Variants in LAMP1 observed in about 807,000 individuals in gnomAD.
The protein encoded by LAMP1 is lysosome associated membrane protein 1, also known as lysosome-associated membrane glycoprotein 1.
LAMP1 carries 7 observed loss-of-function variants against 37.5 expected under a neutral mutation model. That is an observed-to-expected ratio of 0.19 (90% confidence interval 0.11 to 0.35). The LOEUF (loss-of-function observed/expected upper bound fraction) is 0.35, where lower values mean the gene tolerates loss of function less well. Among genes scored for constraint, LAMP1 ranks in the 10% least tolerant of loss-of-function variants. The pLI, the probability that LAMP1 is intolerant of heterozygous loss-of-function variation, is 1.00. For synonymous variants in LAMP1, 236 were observed against 229.1 expected, an observed-to-expected ratio of 1.03 and a Z score of -0.27; for missense variants, 537 against 552.8, an observed-to-expected ratio of 0.97 and a Z score of 0.29.
At chr13:113,322,128 C>A in intron 8 of LAMP1, 154 bp from the exon 9 acceptor site, 1 of 806,248 alleles carries the variant, frequency 1.2e-6, no homozygotes. Context: ...GTCTCTGCAG[C>A]GGCTTCCCCA....
At chr13:113,309,044 A>C (rs977854500) in intron 2 of LAMP1, among the ~76,000 whole-genome samples, 10 of 152,228 alleles carry the variant, frequency 6.6e-5, no homozygotes, top group Non-Finnish European at 1.5e-4. Flanking sequence ...GAATTGTTTC[A>C]ATTTCAAGAC....
intron 2 of LAMP1, among the ~76,000 whole-genome samples, chr13:113,308,419 G>C (rs2042611895): frequency 7.6e-6 from 1 of 130,910 alleles, no homozygotes. Context: ...TGCAACCTCT[G>C]CCTCTTGGGT....
chr13:113,320,735 C>T lies in LAMP1; in HGVS notation c.876+265C>T. 1 of 472,176 alleles carries T rather than the reference C, an allele frequency of 2.1e-6. No individual in the cohort carries two copies. The highest frequency in any genetic ancestry group is 3.5e-5 in the East Asian group (1 of 28,890). The allele number at this position is 472,176 out of a possible 1,614,324, so 29.2% of individuals were successfully genotyped here. A position where few individuals can be genotyped will look rare whatever the true frequency, so the allele number is the denominator to read the frequency against. On this transcript the variant is annotated intron_variant, in intron 6 of 8. Transcript: ENST00000332556. The surrounding 1 kb of genome is among the most constrained non-coding windows in gnomAD (Gnocchi z 4.4). ...GAGGGCATGCAGGCCGTGCGGCCTT[C>T]TGGCTTCAGATGCTGCTGCCCTGTG...
Position 113,297,609 on chromosome 13 carries a change from C to G in LAMP1, c.61+114C>G. 1 of 994,346 alleles carries G rather than the reference C, an allele frequency of 1.0e-6. No homozygotes were observed. 61.6% of individuals were successfully genotyped at this position (994,346 alleles called of 1,614,324 possible). On this transcript the variant is annotated intron_variant, in intron 1 of 8. Transcript: ENST00000332556. The surrounding 1 kb of genome is among the most constrained non-coding windows in gnomAD (Gnocchi z 4.4). ...TGTCCCGCGGGTCGCCCCGCACCCACTGCTCCTGGTCCCGGCCGGCTCTGC... is the reference window on the plus strand; with the variant it reads ...TGTCCCGCGGGTCGCCCCGCACCCAGTGCTCCTGGTCCCGGCCGGCTCTGC...
intron 1 of LAMP1, among the ~76,000 whole-genome samples, chr13:113,300,587 A>G (rs975178355): frequency 2.0e-5 from 3 of 151,944 alleles, no homozygotes; most frequent in Admixed American, 6.6e-5. Flanking sequence ...CAGGCCGATC[A>G]CTAGGTCAAG....
At chr13:113,306,725 T>C in intron 2 of LAMP1, 119 bp downstream of exon 2, 1 of 1,130,044 alleles carries the variant, frequency 8.8e-7, no homozygotes. Context: ...CCTATCTGCA[T>C]ATCTCCTTCT....
intron 4 of LAMP1, among the ~76,000 whole-genome samples, chr13:113,315,632 G>A (rs924614267): frequency 6.6e-6 from 1 of 151,426 alleles, no homozygotes; most frequent in Admixed American, 6.6e-5. Context: ...CTCCCAAAGT[G>A]CTGGGATTAT....
At chr13:113,299,274 CTT>C (rs75937787) in intron 1 of LAMP1, among the ~76,000 whole-genome samples, 1 of 147,948 alleles carries the variant, frequency 6.8e-6, no homozygotes, top group African/African-American at 2.5e-5. Flanking sequence ...ACAATCTTAA[CTT>C]TTTTTTTTTG....
At chr13:113,313,519 G>A (rs560411449) in intron 4 of LAMP1, among the ~76,000 whole-genome samples, 26 of 152,318 alleles carry the variant, frequency 1.7e-4, no homozygotes, top group African/African-American at 6.3e-4. Flanking sequence ...AGCCAGTGTG[G>A]AGATGCCAGT....
At chr13:113,313,693 C>T (rs565651714) in intron 4 of LAMP1, among the ~76,000 whole-genome samples, 1 of 137,102 alleles carries the variant, frequency 7.3e-6, no homozygotes, top group Non-Finnish European at 1.5e-5. Flanking sequence ...GCATGGCCTC[C>T]TGGAGGGAAC....
chr13:113,303,071 T>G (rs2042582099), intron 1 of LAMP1, among the ~76,000 whole-genome samples: 1 of 152,236 alleles, frequency 6.6e-6, no homozygotes. Context: ...AGATGTTTAA[T>G]AACAGCTGAC....
Position 113,310,885 on chromosome 13 carries a change from G to A in LAMP1, c.562+18G>A. On this transcript the variant is annotated intron_variant, in intron 4 of 8. Coordinates refer to ENST00000332556, the MANE Select transcript of LAMP1 (RefSeq NM_005561.4). ...CCGGGGAGGTAGGACGCTGACCCTT[G>A]GCCCTCTGGTGCTAGTGGTTGGGTA... 6.2e-7 allele frequency: 1 copy of A among 1,608,026 alleles called. No individual in the cohort carries two copies. The highest frequency in any genetic ancestry group is 1.3e-5 in the African/African-American group (1 of 74,786).
chr13:113,306,205 AAATTAGCTGG>A (rs2042597410), intron 1 of LAMP1: 1 of 247,090 alleles, frequency 4.0e-6, no homozygotes, highest in South Asian at 4.6e-5. Flanking sequence ...CTAAAAACAG[AAATTAGCTGG>A]GTTTGGTGGC....
intron 5 of LAMP1, among the ~76,000 whole-genome samples, chr13:113,319,961 T>C (rs899521173): frequency 6.6e-6 from 1 of 152,256 alleles, no homozygotes. Flanking sequence ...TCTTTACATA[T>C]TTATCATGGA....
intron 1 of LAMP1, among the ~76,000 whole-genome samples, chr13:113,301,830 C>G (rs1343655433): frequency 1.4e-5 from 2 of 146,524 alleles, no homozygotes; most frequent in Non-Finnish European, 3.0e-5. Context: ...TTAAAAGAAT[C>G]AAGCCAAGAA....
rs2042571834 is a variant in LAMP1, at chr13:113,301,632, AAAAAAAAAAAAAATAT to A, written c.61+4139_61+4154del. On this transcript the variant is annotated intron_variant, in intron 1 of 8. Coordinates refer to ENST00000332556, the MANE Select transcript of LAMP1 (RefSeq NM_005561.4). The stretch of plus-strand genomic sequence containing the variant: ...AGTGAGACTCTGTTTCCATTTAAAA[AAAAAAAAAAAAAATAT>A]ATATATATATATATATATATATATA... Among the ~76,000 whole-genome samples the A allele has an allele frequency of 3.2e-4, 2 of 6,214 alleles. 1 individual carries two copies. Among genetic ancestry groups the A allele is most frequent in the African/African-American group, 1.3e-3 (2 of 1,504 alleles). 4.1% of individuals were successfully genotyped at this position (6,214 alleles called of 152,430 possible). A position where few individuals can be genotyped will look rare whatever the true frequency, so the allele number is the denominator to read the frequency against.
At chr13:113,322,245 T>G in intron 8 of LAMP1, 37 bp from the exon 9 acceptor site, 1 of 1,581,256 alleles carries the variant, frequency 6.3e-7, no homozygotes. Flanking sequence ...GGCCCCTGTG[T>G]GAGCAGAGCC....
Position 113,322,494 on chromosome 13 carries a change from G to A in LAMP1, c.*73G>A. 1 of 1,431,152 alleles carries A rather than the reference G, an allele frequency of 7.0e-7. No homozygotes were observed. The highest frequency in any genetic ancestry group is 1.4e-5 in the African/African-American group (1 of 70,166). The allele number at this position is 1,431,152 out of a possible 1,614,324, so 88.7% of individuals were successfully genotyped here. ...CTGGGCTTAGGGTCCTGTCGAAGGG[G>A]AGGCACACTTTCTGGCAAACGTTTC... On this transcript the variant is annotated 3_prime_UTR_variant, in exon 9 of 9. Transcript: ENST00000332556.
intron 4 of LAMP1, among the ~76,000 whole-genome samples, chr13:113,317,477 C>T (rs1302847849): frequency 1.3e-5 from 2 of 152,134 alleles, no homozygotes; most frequent in African/African-American, 4.8e-5. Context: ...TTTGTGTTTC[C>T]AGCTTCTTGT....
Sources: allele counts gnomAD v4.1 joint callset (sites outside exome capture counted in the v4.1 genomes callset), GRCh38; gene constraint gnomAD v4.1.1; non-coding constraint Gnocchi (gnomAD v3.1); transcripts MANE v1.5; gene names NCBI Gene and HGNC (gene_info 2026-07-23, HGNC 2026-07-21).